Variants in ACBD6 observed in about 807,000 individuals in gnomAD.
ACBD6 encodes the protein acyl-CoA binding domain containing 6.
ACBD6 carries 28 observed loss-of-function variants against 37.2 expected under a neutral mutation model. The observed-to-expected ratio is 0.75, with a 90% confidence interval of 0.56 to 1.03. The LOEUF (loss-of-function observed/expected upper bound fraction) is 1.03. ACBD6 is among the 50% of genes least tolerant of loss of function. ACBD6 has a pLI of 0.00. For synonymous variants in ACBD6, 113 were observed against 126.8 expected (o/e 0.89, Z 0.73); for missense variants, 340 against 337.4 (o/e 1.01, Z -0.06).
At chr1:180,327,256 T>C (rs188589513) in intron 6 of ACBD6, among the ~76,000 whole-genome samples, 1 of 152,292 alleles carries the variant, frequency 6.6e-6, no homozygotes, top group East Asian at 1.9e-4. Context: ...TATGTGTGGG[T>C]GCTGGCTGAG....
At chr1:180,435,800 G>C (rs1649013857) in intron 3 of ACBD6, 2 of 940,784 alleles carry the variant, frequency 2.1e-6, no homozygotes, top group African/African-American at 1.6e-5. Flanking sequence ...CTCGGCTAAA[G>C]TGAATAACTC....
At chr1:180,436,917 G>C (rs1281160336) in intron 3 of ACBD6, among the ~76,000 whole-genome samples, 1 of 152,116 alleles carries the variant, frequency 6.6e-6, no homozygotes, top group Admixed American at 6.5e-5. Context: ...CTAAGATCAG[G>C]AACAAGGCAA....
intron 3 of ACBD6, among the ~76,000 whole-genome samples, chr1:180,462,741 T>G (rs956544425): frequency 1.3e-5 from 2 of 152,172 alleles, no homozygotes; most frequent in African/African-American, 2.4e-5. Context: ...CTGATAAGTA[T>G]CTACAGAACT....
chr1:180,372,057 T>C lies in ACBD6; in HGVS notation c.663+25459A>G, dbSNP rs545999788. 4.6e-5 allele frequency among the ~76,000 whole-genome samples: 7 copies of C among 152,280 alleles called. No individual in the cohort carries two copies. In the South Asian group the frequency reaches 1.4e-3, roughly 32 times the overall value. On this transcript the variant is annotated intron_variant, in intron 6 of 7. Transcript: ENST00000367595. The stretch of plus-strand genomic sequence containing the variant: ...CAGAATACCAAAGTGTTATACTAAT[T>C]AAGTTACGATGGTGATGATGATGGA...
chr1:180,326,723 T>C (rs2149297812), intron 6 of ACBD6, among the ~76,000 whole-genome samples: 1 of 152,294 alleles, frequency 6.6e-6, no homozygotes, highest in East Asian at 1.9e-4. Context: ...AACTGGGCAT[T>C]GCTGTTGGCT....
At chr1:180,463,503 AG>A (rs1557881290) in intron 3 of ACBD6, among the ~76,000 whole-genome samples, 1 of 152,198 alleles carries the variant, frequency 6.6e-6, no homozygotes, top group Non-Finnish European at 1.5e-5. Context: ...AGAATGAACC[AG>A]GAAGAAACTG....
intron 4 of ACBD6, among the ~76,000 whole-genome samples, chr1:180,420,923 T>C (rs1456865891): frequency 6.6e-6 from 1 of 152,150 alleles, no homozygotes; most frequent in East Asian, 1.9e-4. Context: ...CTAATAAATG[T>C]CCTTTGTGGC....
At chr1:180,329,283 C>T (rs546840113) in intron 6 of ACBD6, among the ~76,000 whole-genome samples, 24 of 152,198 alleles carry the variant, frequency 1.6e-4, no homozygotes, top group Admixed American at 6.5e-5. Context: ...TGGTCTTTCA[C>T]CAAATGGACC....
exon 14 of ACBD6, chr1:180,271,319 GGGA>G: frequency 6.3e-7 from 1 of 1,585,014 alleles, no homozygotes; most frequent in Non-Finnish European, 8.7e-7. Flanking sequence ...GGGAGGGTGT[GGGA>G]GGAGGCGCAG....
chr1:180,418,365 C>T (rs1040616915), intron 4 of ACBD6, among the ~76,000 whole-genome samples: 2 of 151,904 alleles, frequency 1.3e-5, no homozygotes, highest in Admixed American at 6.6e-5. Flanking sequence ...ATCACTTGAG[C>T]GCAGGAGTTT....
chr1:180,502,191 C>G lies in ACBD6; in HGVS notation c.76G>C (p.Gly26Arg), dbSNP rs374307128. 1 of 1,614,038 alleles carries G rather than the reference C, an allele frequency of 6.2e-7. No homozygotes were observed. The highest frequency in any genetic ancestry group is 8.5e-7 in the Non-Finnish European group (1 of 1,180,040). ...GGGCTATGGGGGAACTCCACCTCCC[C>G]GGAGTCGTCCCCTGAGCTCAGCTCT... ...GGELSSGDDS[G>R]EVEFPHSPEI... The change falls in exon 1 of 8, where the codon GGG becomes CGG. Residue 26 changes from glycine (G) to arginine (R), a missense_variant. Physicochemically the swap from Gly to Arg is moderately radical, Grantham distance 125. Coordinates refer to ENST00000367595, the MANE Select transcript of ACBD6 (RefSeq NM_032360.4).
rs376340456 is a variant in ACBD6 at position 180,492,375 on chromosome 1, G to A, written c.288-10C>T. 5.0e-6 allele frequency: 8 copies of A among 1,609,490 alleles called. No individual in the cohort carries two copies. Among genetic ancestry groups the A allele is most frequent in the African/African-American group, 1.3e-5 (1 of 74,720 alleles). On this transcript the variant is annotated splice_polypyrimidine_tract_variant and intron_variant, in intron 2 of 7. Transcript: ENST00000367595. ...TGCTTTCCAAGCTTCCCTACAATAT[G>A]GAATATCCAAAATGGCCTGTCATTA...
chr1:180,461,305 G>A (rs550668882), intron 3 of ACBD6, among the ~76,000 whole-genome samples: 1 of 152,226 alleles, frequency 6.6e-6, no homozygotes, highest in South Asian at 2.1e-4. Flanking sequence ...TAGGGAGAAG[G>A]GAACCAATTT....
intron 6 of ACBD6, among the ~76,000 whole-genome samples, chr1:180,319,959 C>T (rs1372001490): frequency 6.6e-6 from 1 of 152,222 alleles, no homozygotes; most frequent in South Asian, 2.1e-4. Context: ...AGTGCTGCAA[C>T]AAACATCGGT....
intron 4 of ACBD6, among the ~76,000 whole-genome samples, chr1:180,426,774 G>A (rs1445317554): frequency 6.6e-6 from 1 of 152,230 alleles, no homozygotes; most frequent in Non-Finnish European, 1.5e-5. Context: ...GTTCGAGGAT[G>A]TCTATGTATT....
intron 3 of ACBD6, among the ~76,000 whole-genome samples, chr1:180,458,028 T>A (rs1649991704): frequency 6.6e-6 from 1 of 152,132 alleles, no homozygotes; most frequent in African/African-American, 2.4e-5. Context: ...ACTCCTGACC[T>A]CAGGTGATCC....
intron 3 of ACBD6, among the ~76,000 whole-genome samples, chr1:180,432,256 G>T (rs1257866012): frequency 6.6e-6 from 1 of 151,830 alleles, no homozygotes; most frequent in African/African-American, 2.4e-5. Flanking sequence ...TGATTAGTAG[G>T]TCTTTATTAA....
intron 6 of ACBD6, among the ~76,000 whole-genome samples, chr1:180,390,533 T>G (rs1654033801): frequency 6.6e-6 from 1 of 152,190 alleles, no homozygotes; most frequent in Admixed American, 6.5e-5. Context: ...TTCCCAATTC[T>G]GTGAAGAAAG....
intron 6 of ACBD6, among the ~76,000 whole-genome samples, chr1:180,350,537 ACT>A (rs1167561710): frequency 6.6e-6 from 1 of 152,140 alleles, no homozygotes; most frequent in East Asian, 1.9e-4. Context: ...GTAACAGTAC[ACT>A]GTTACTAATC....
Sources: gnomAD v4.1 joint callset for allele counts (sites outside exome capture counted in the v4.1 genomes callset) on GRCh38, gnomAD v4.1.1 for gene constraint, MANE v1.5 for transcripts, NCBI Gene and HGNC (gene_info 2026-07-23, HGNC 2026-07-21) for gene names.